TENM2: variants seen among roughly 807,000 people sequenced by gnomAD.
TENM2 encodes teneurin transmembrane protein 2.
TENM2 carries 52 observed loss-of-function variants against 245.2 expected under a neutral mutation model. The observed-to-expected ratio is 0.21, with a 90% CI of 0.17 to 0.27. TENM2 has a LOEUF of 0.27. Among genes scored for constraint, TENM2 ranks in the 10% least tolerant of loss-of-function variants. TENM2 has a pLI of 1.00. For synonymous variants in TENM2, 1,363 were observed against 1,438.9 expected, an observed-to-expected ratio of 0.95 and a Z score of 1.19; for missense variants, 3,046 against 3,666.8, an observed-to-expected ratio of 0.83 and a Z score of 4.37.
chr5:168,148,800 G>T (rs187763412), intron 12 of TENM2, among the ~76,000 whole-genome samples: 365 of 152,112 alleles, frequency 2.4e-3, no homozygotes, highest in African/African-American at 7.7e-3. Flanking sequence ...TTTTGTGACC[G>T]CATCTTCACA....
At chr5:167,501,184 A>G (rs759725652) in intron 2 of TENM2, among the ~76,000 whole-genome samples, 1 of 151,630 alleles carries the variant, frequency 6.6e-6, no homozygotes, top group Non-Finnish European at 1.5e-5. Context: ...ACTTCCTTTG[A>G]TTTTCTTTTT....
rs375625896 is a variant in TENM2 at position 167,344,189 on chromosome 5, C to T, written c.227-31009C>T. On this transcript the variant is annotated intron_variant, in intron 1 of 28. Transcript: ENST00000518659. ...ATATATATATAAAGTAGAGAATACACACACACATATTGCAGAGATATGAAA... is the reference window on the plus strand; with the variant it reads ...ATATATATATAAAGTAGAGAATACATACACACATATTGCAGAGATATGAAA... Among the ~76,000 whole-genome samples the T allele has an allele frequency of 1.1e-3, 163 of 148,488 alleles. 7 individuals are homozygous for T. In the South Asian group the frequency reaches 0.032, roughly 29 times the overall value.
the TENM2 span, among the ~76,000 whole-genome samples, chr5:167,217,855 G>T: frequency 6.7e-6 from 1 of 148,446 alleles, no homozygotes; most frequent in East Asian, 2.0e-4. Flanking sequence ...ACTATGAGAC[G>T]AAACAGAAGA....
the TENM2 span, among the ~76,000 whole-genome samples, chr5:167,033,008 C>A: frequency 6.6e-6 from 1 of 151,980 alleles, no homozygotes; most frequent in Non-Finnish European, 1.5e-5. Context: ...GGACGCAATA[C>A]CAAGTAGGTT....
chr5:168,025,847 G>A (rs1405005508), intron 5 of TENM2, among the ~76,000 whole-genome samples: 1 of 152,148 alleles, frequency 6.6e-6, no homozygotes, highest in Non-Finnish European at 1.5e-5. Context: ...GAGCTGCAAT[G>A]GCTAGCAATA....
chr5:167,545,695 C>T (rs1189442527), intron 2 of TENM2, among the ~76,000 whole-genome samples: 1 of 152,118 alleles, frequency 6.6e-6, no homozygotes, highest in African/African-American at 2.4e-5. Flanking sequence ...ATGGGTACAT[C>T]CAAAGTTTGT....
At chr5:167,715,741 C>A (rs1759211957) in intron 2 of TENM2, among the ~76,000 whole-genome samples, 1 of 152,162 alleles carries the variant, frequency 6.6e-6, no homozygotes, top group East Asian at 1.9e-4. Context: ...GTTCACGTAG[C>A]AGAGTGGTGG....
chr5:167,390,198 G>T (rs1761671184), intron 2 of TENM2, among the ~76,000 whole-genome samples: 1 of 152,214 alleles, frequency 6.6e-6, no homozygotes, highest in Non-Finnish European at 1.5e-5. Context: ...TCAGAAATCA[G>T]TGCTAACTAG....
At chr5:167,421,234 A>G (rs1452754077) in intron 2 of TENM2, among the ~76,000 whole-genome samples, 1 of 152,174 alleles carries the variant, frequency 6.6e-6, no homozygotes, top group Non-Finnish European at 1.5e-5. Flanking sequence ...GATCCATGCT[A>G]CTCAGTGTTG....
chr5:168,009,272 GA>G (rs1157280515), intron 5 of TENM2, among the ~76,000 whole-genome samples: 1 of 152,140 alleles, frequency 6.6e-6, no homozygotes, highest in Non-Finnish European at 1.5e-5. Flanking sequence ...TGAAAATCTT[GA>G]AAGAAGAAAC....
At chr5:168,230,795 G>A (rs968277810) in intron 25 of TENM2, 4 of 152,308 alleles carry the variant, frequency 2.6e-5, no homozygotes, top group Admixed American at 6.5e-5. Context: ...GGGTGGCACC[G>A]ACTAGCTAAC....
intron 13 of TENM2, chr5:168,186,234 C>A (rs989182894): frequency 1.3e-5 from 2 of 151,926 alleles, no homozygotes; most frequent in Non-Finnish European, 2.9e-5. Context: ...TACCTTGGGA[C>A]TTCTAATCCA....
In TENM2 at chr5:168,218,224, C is replaced by A. The variant is rs1763369610; in HGVS notation, c.4333C>A (p.Gln1445Lys). ...CATCCTTCGAATCACCGAGAACCAC[C>A]AAGTCAGCATCATTGCGGGACGCCC... The change falls in exon 23 of 29, where the codon CAA (glutamine) becomes AAA (lysine). Residue 1445 changes from glutamine to lysine, a missense_variant. Gln to Lys is a moderately conservative substitution (Grantham distance 53, BLOSUM62 1). This residue lies in a region of TENM2 where 2,704 missense variants were observed against 3,331.9 expected (regional missense o/e 0.81). Transcript: ENST00000518659. This position sits in a 1 kb window ranked among gnomAD's most constrained non-coding sequence, Gnocchi z 5.2. 7.4e-6 allele frequency: 12 copies of A among 1,613,858 alleles called. No homozygotes were observed. Among genetic ancestry groups the A allele is most frequent in the Admixed American group, 1.7e-5 (1 of 60,010 alleles).
chr5:168,263,861 G>C (rs1004910941), downstream of TENM2: 21 of 152,484 alleles, frequency 1.4e-4, no homozygotes, highest in African/African-American at 4.8e-4. Flanking sequence ...AAAATTATTA[G>C]TGTGTTTGTT....
At chr5:167,829,494 C>A (rs1285490753) in intron 2 of TENM2, among the ~76,000 whole-genome samples, 2 of 152,152 alleles carry the variant, frequency 1.3e-5, no homozygotes, top group African/African-American at 4.8e-5. Context: ...CACAGACATT[C>A]TTTTGTCAAT....
At chr5:167,622,010 C>T (rs1228371995) in intron 2 of TENM2, among the ~76,000 whole-genome samples, 1 of 152,156 alleles carries the variant, frequency 6.6e-6, no homozygotes, top group Non-Finnish European at 1.5e-5. Context: ...TGTGTATATT[C>T]ATGAGAGACT....
the TENM2 span, among the ~76,000 whole-genome samples, chr5:167,044,341 G>A: frequency 6.6e-6 from 1 of 152,182 alleles, no homozygotes; most frequent in Non-Finnish European, 1.5e-5. Context: ...ATGGTGTGAA[G>A]ACGAAAAGTG....
chr5:168,013,622 A>AAAACAAAACAAAACG, intron 5 of TENM2, among the ~76,000 whole-genome samples: 1 of 152,016 alleles, frequency 6.6e-6, no homozygotes, highest in Non-Finnish European at 1.5e-5. Flanking sequence ...AAAACAAAAC[A>AAAACAAAACAAAACG]AAACAAAACA....
At chr5:167,563,278 A>G (rs912382840) in intron 2 of TENM2, among the ~76,000 whole-genome samples, 9 of 152,102 alleles carry the variant, frequency 5.9e-5, no homozygotes, top group Non-Finnish European at 8.8e-5. Flanking sequence ...AGGCTTGGAG[A>G]GTCTCCTTTT....
Sources: gnomAD v4.1 joint callset for allele counts (sites outside exome capture counted in the v4.1 genomes callset) on GRCh38, gnomAD v4.1.1 for gene constraint, gnomAD v4.1.1 regional missense constraint, Gnocchi (gnomAD v3.1) non-coding constraint, MANE v1.5 for transcripts, NCBI Gene and HGNC (gene_info 2026-07-23, HGNC 2026-07-21) for gene names.